NEK7: variants seen among roughly 807,000 people sequenced by gnomAD.
The protein encoded by NEK7 is NIMA related kinase 7.
In NEK7, 18 loss-of-function variants were observed where a neutral mutation model predicts 44.6. That is an observed-to-expected ratio of 0.40 (90% CI 0.28 to 0.60). The LOEUF is 0.60. NEK7 is among the 20% of genes least tolerant of loss of function. The pLI is 0.38. For synonymous variants in NEK7, 130 were observed against 121.1 expected, an observed-to-expected ratio of 1.07 and a Z score of -0.48; for missense variants, 256 against 366.5, an observed-to-expected ratio of 0.70 and a Z score of 2.46.
chr1:198,261,814 C>G (rs983354531), intron 3 of NEK7, among the ~76,000 whole-genome samples: 1 of 151,684 alleles, frequency 6.6e-6, no homozygotes, highest in East Asian at 1.9e-4. Flanking sequence ...TATTTTTCAA[C>G]CTTTTCTTCA....
At chr1:198,247,759 T>A (rs1666876913) in intron 2 of NEK7, among the ~76,000 whole-genome samples, 1 of 152,166 alleles carries the variant, frequency 6.6e-6, no homozygotes, top group Non-Finnish European at 1.5e-5. Flanking sequence ...TTATAGTGAC[T>A]CTTTGGCAGA....
chr1:198,278,142 G>A (rs1352164366), intron 6 of NEK7, 73 bp downstream of exon 6: 6 of 805,024 alleles, frequency 7.5e-6, no homozygotes, highest in African/African-American at 7.2e-5. Context: ...ATGTCTTCAA[G>A]TCAGTACATA....
chr1:198,311,289 G>T (rs1432889446), intron 9 of NEK7, among the ~76,000 whole-genome samples: 2 of 105,264 alleles, frequency 1.9e-5, no homozygotes, highest in African/African-American at 5.3e-5. Flanking sequence ...CATTGATTTT[G>T]TATCCTGAGA....
At chr1:198,171,186 G>A (rs1389345974) in intron 1 of NEK7, among the ~76,000 whole-genome samples, 1 of 152,060 alleles carries the variant, frequency 6.6e-6, no homozygotes, top group African/African-American at 2.4e-5. Flanking sequence ...AAGGGCTTAT[G>A]TCTTTTTTTA....
chr1:198,308,811 G>A lies in NEK7; in HGVS notation c.799-10601G>A, dbSNP rs182995854. ...ATCATACTTTCTTTGGCCAAGAATC[G>A]AATTCTGTTACCTCTGCTTAGAATT... On this transcript the variant is annotated intron_variant, in intron 9 of 9. Transcript: ENST00000367385. 3.1e-4 allele frequency among the ~76,000 whole-genome samples: 47 copies of A among 152,140 alleles called. No homozygotes were observed. The East Asian group carries it at 8.3e-3, about 27-fold the overall frequency.
intron 1 of NEK7, chr1:198,208,702 G>T (rs1230643785): frequency 6.6e-6 from 1 of 152,118 alleles, no homozygotes; most frequent in Non-Finnish European, 1.5e-5. Flanking sequence ...GATAATTTTA[G>T]TATTTGAGAT....
intron 3 of NEK7, among the ~76,000 whole-genome samples, chr1:198,260,813 T>G (rs1189203725): frequency 6.6e-6 from 1 of 152,068 alleles, no homozygotes; most frequent in African/African-American, 2.4e-5. Context: ...TATATATCAT[T>G]TTATATACTG....
rs1460606169 is a variant in NEK7, at chr1:198,225,712, G to A, written c.-28-6841G>A. Among the ~76,000 whole-genome samples, 3 of 152,244 alleles carry A rather than the reference G, an allele frequency of 2.0e-5. 1 individual carries two copies. Among genetic ancestry groups the A allele is most frequent in the African/African-American group, 7.2e-5 (3 of 41,556 alleles). ...ACTTTAGTTTGAAATTACTTATAAA[G>A]TGGTGTGTACTATACTTTTTACTGT... On this transcript the variant is annotated intron_variant, in intron 1 of 9. Coordinates refer to ENST00000367385, the MANE Select transcript of NEK7 (RefSeq NM_133494.3).
chr1:198,275,017 A>G (rs1653972108), intron 5 of NEK7, among the ~76,000 whole-genome samples: 1 of 151,748 alleles, frequency 6.6e-6, no homozygotes, highest in Non-Finnish European at 1.5e-5. Flanking sequence ...CATAAGTCAG[A>G]AATAATATAA....
intron 1 of NEK7, among the ~76,000 whole-genome samples, chr1:198,219,771 GGT>G (rs1013763702): frequency 2.0e-5 from 3 of 151,988 alleles, no homozygotes; most frequent in African/African-American, 7.2e-5. Context: ...ATATCACAGA[GGT>G]GATGTTTTCT....
intron 2 of NEK7, chr1:198,245,426 C>G (rs1356948264): frequency 5.9e-6 from 1 of 168,332 alleles, no homozygotes; most frequent in African/African-American, 2.4e-5. Context: ...GAGGTAGAAG[C>G]CAGTAAAGCT....
At chr1:198,310,569 G>A (rs1655149866) in intron 9 of NEK7, among the ~76,000 whole-genome samples, 1 of 144,494 alleles carries the variant, frequency 6.9e-6, no homozygotes, top group Non-Finnish European at 1.5e-5. Context: ...GGTTTTTATG[G>A]TTATAGGTCT....
At chr1:198,286,494 G>T (rs981837034) in intron 7 of NEK7, among the ~76,000 whole-genome samples, 1 of 151,382 alleles carries the variant, frequency 6.6e-6, no homozygotes, top group African/African-American at 2.4e-5. Context: ...TTGGTGTGAG[G>T]TAGGTCCATA....
intron 1 of NEK7, among the ~76,000 whole-genome samples, chr1:198,165,323 G>T (rs1389141872): frequency 6.6e-6 from 1 of 152,124 alleles, no homozygotes; most frequent in African/African-American, 2.4e-5. Flanking sequence ...ACTTTACCCA[G>T]ATCTATCAGA....
chr1:198,225,334 A>G (rs1040947475), intron 1 of NEK7, among the ~76,000 whole-genome samples: 29 of 151,698 alleles, frequency 1.9e-4, no homozygotes, highest in African/African-American at 7.0e-4. Context: ...TAGAATAGCT[A>G]GGAGAGGAAC....
intron 1 of NEK7, among the ~76,000 whole-genome samples, chr1:198,181,685 A>C (rs1353391903): frequency 6.6e-6 from 1 of 152,162 alleles, no homozygotes; most frequent in Admixed American, 6.6e-5. Context: ...TAAATAAACA[A>C]CAACAAAAAT....
chr1:198,192,105 T>G (rs963822090), intron 1 of NEK7, among the ~76,000 whole-genome samples: 3 of 152,014 alleles, frequency 2.0e-5, no homozygotes, highest in African/African-American at 4.8e-5. Flanking sequence ...ATTTTTTATA[T>G]GTACAAATAC....
intron 3 of NEK7, among the ~76,000 whole-genome samples, chr1:198,259,865 A>C (rs1371341511): frequency 6.6e-6 from 1 of 152,130 alleles, no homozygotes; most frequent in Non-Finnish European, 1.5e-5. Flanking sequence ...ATTCCTGCTT[A>C]TATAAATCAG....
chr1:198,237,279 C>T (rs527542040), intron 2 of NEK7, among the ~76,000 whole-genome samples: 3 of 152,284 alleles, frequency 2.0e-5, no homozygotes, highest in South Asian at 2.1e-4. Context: ...CTTCCAGTCT[C>T]ATGATTCTAT....
Sources: gnomAD v4.1 joint callset for allele counts (sites outside exome capture counted in the v4.1 genomes callset) on GRCh38, gnomAD v4.1.1 for gene constraint, MANE v1.5 for transcripts, NCBI Gene and HGNC (gene_info 2026-07-23, HGNC 2026-07-21) for gene names.